Variants in TAX1BP1 observed in about 807,000 individuals in gnomAD.
TAX1BP1 encodes the protein Tax1 binding protein 1.
A neutral mutation model predicts 97.7 loss-of-function variants in TAX1BP1; 62 were observed. The observed-to-expected ratio is 0.63, with a 90% CI of 0.52 to 0.78. TAX1BP1 has a LOEUF of 0.78. Among genes scored for constraint, TAX1BP1 ranks in the 30% least tolerant of loss-of-function variants. The pLI, the probability that TAX1BP1 is intolerant of heterozygous loss-of-function variation, is 0.00. For synonymous variants in TAX1BP1, 340 were observed against 304.2 expected (o/e 1.12, Z -1.23); for missense variants, 867 against 916.1 (o/e 0.95, Z 0.69).
chr7:27,746,151 G>A (rs1787806869), intron 1 of TAX1BP1, among the ~76,000 whole-genome samples: 1 of 152,026 alleles, frequency 6.6e-6, no homozygotes, highest in Non-Finnish European at 1.5e-5. Context: ...TAAGAAAAAA[G>A]TATTATCCTT....
intron 4 of TAX1BP1, among the ~76,000 whole-genome samples, chr7:27,769,184 A>G (rs1788751116): frequency 6.6e-6 from 1 of 151,780 alleles, no homozygotes; most frequent in Non-Finnish European, 1.5e-5. Context: ...GAAACTATAC[A>G]TTTCTTGGTG....
intron 1 of TAX1BP1, among the ~76,000 whole-genome samples, chr7:27,740,736 G>A (rs1303173420): frequency 6.6e-6 from 1 of 152,230 alleles, no homozygotes; most frequent in Admixed American, 6.5e-5. Context: ...AGGACGCTGG[G>A]GTTTGCCTTT....
intron 3 of TAX1BP1, among the ~76,000 whole-genome samples, chr7:27,763,536 G>A (rs1788508384): frequency 6.6e-6 from 1 of 152,172 alleles, no homozygotes. Context: ...GGAGGCCGGG[G>A]CGGGTGGATT....
At chr7:27,800,217 A>T (rs532867274) in intron 13 of TAX1BP1, 127 bp downstream of exon 13, 1 of 897,620 alleles carries the variant, frequency 1.1e-6, no homozygotes, top group East Asian at 3.1e-5. Context: ...ACAAATAAAA[A>T]TGTACTATAT....
rs771035581 is a variant in TAX1BP1, at chr7:27,785,219, G to A, written c.669G>A (p.Arg223=). The change falls in exon 6 of 17, where the codon AGG becomes AGA. Residue 223 remains arginine, a synonymous_variant. Transcript: ENST00000396319. ...TGGAAAATGAAGAGTTTAAGAAGAGGTTCAGTGATGCTACATCCAAAGCCC... is the reference window on the plus strand; with the variant it reads ...TGGAAAATGAAGAGTTTAAGAAGAGATTCAGTGATGCTACATCCAAAGCCC... ...LKMENEEFKK[R]FSDATSKAHQ... 38 of 1,613,138 alleles carry A rather than the reference G, an allele frequency of 2.4e-5. No homozygotes were observed. Among genetic ancestry groups the A allele is most frequent in the Non-Finnish European group, 3.1e-5 (37 of 1,179,566 alleles).
At chr7:27,783,388 T>G (rs1789339351) in intron 5 of TAX1BP1, among the ~76,000 whole-genome samples, 1 of 152,224 alleles carries the variant, frequency 6.6e-6, no homozygotes, top group Non-Finnish European at 1.5e-5. Flanking sequence ...TGCTTATGCT[T>G]AACTCAGACG....
intron 13 of TAX1BP1, among the ~76,000 whole-genome samples, chr7:27,805,731 G>T (rs1790312319): frequency 6.6e-6 from 1 of 152,130 alleles, no homozygotes; most frequent in Non-Finnish European, 1.5e-5. Context: ...AGCTACTTGG[G>T]AGGCTGAGGT....
intron 5 of TAX1BP1, among the ~76,000 whole-genome samples, 166 bp downstream of exon 5, chr7:27,770,000 C>CA (rs1038209958): frequency 3.3e-5 from 5 of 151,986 alleles, no homozygotes; most frequent in African/African-American, 1.2e-4. Flanking sequence ...AACCTTCTGC[C>CA]ACAGCTGCTT....
intron 15 of TAX1BP1, among the ~76,000 whole-genome samples, chr7:27,824,366 C>T (rs1791090856): frequency 6.6e-6 from 1 of 151,508 alleles, no homozygotes; most frequent in Non-Finnish European, 1.5e-5. Context: ...AGTTTGAGAC[C>T]AGCCTGGGTA....
At chr7:27,742,661 T>C (rs1471101152) in intron 1 of TAX1BP1, among the ~76,000 whole-genome samples, 4 of 152,066 alleles carry the variant, frequency 2.6e-5, no homozygotes, top group Non-Finnish European at 5.9e-5. Context: ...AGAGACGAGG[T>C]TTCTCCATGT....
At position 27,816,466 on chromosome 7, in the gene TAX1BP1, A is replaced by T; in HGVS notation, c.1882A>T (p.Asn628Tyr). 6.4e-7 allele frequency: 1 copy of T among 1,564,988 alleles called. No individual in the cohort carries two copies. Residue 628 changes from asparagine (N) to tyrosine (Y), a missense_variant, in exon 14 of 17, where the codon AAT (asparagine) becomes TAT (tyrosine). Asn to Tyr is a moderately radical substitution (Grantham distance 143). Around this residue, in one of 3 missense-constraint regions of TAX1BP1, gnomAD observed 822 missense variants for 851.4 expected, o/e 0.97. Transcript: ENST00000396319. ...EQNGYVLTLS[N>Y]AQPVLQYGNP... The stretch of plus-strand genomic sequence containing the variant: ...AAATGGTTATGTTCTCACATTGTCA[A>T]ATGCACAACCAGTTCTGCAATATGG...
intron 13 of TAX1BP1, among the ~76,000 whole-genome samples, chr7:27,803,887 C>CT (rs1297989289): frequency 2.0e-5 from 3 of 152,130 alleles, no homozygotes; most frequent in Admixed American, 6.6e-5. Context: ...GAGCTAGTCT[C>CT]TTTTTTCATG....
intron 3 of TAX1BP1, among the ~76,000 whole-genome samples, 173 bp from the exon 4 acceptor site, chr7:27,765,661 T>C (rs577278989): frequency 6.6e-6 from 1 of 152,222 alleles, no homozygotes; most frequent in Non-Finnish European, 1.5e-5. Flanking sequence ...AAATTTAACT[T>C]TGAGTAGGAA....
intron 15 of TAX1BP1, among the ~76,000 whole-genome samples, chr7:27,827,365 A>T (rs1791216639): frequency 6.6e-6 from 1 of 151,970 alleles, no homozygotes. Flanking sequence ...AAAAAAAAAA[A>T]AGCAAAAAAC....
At chr7:27,779,459 C>T (rs1258212941) in intron 5 of TAX1BP1, among the ~76,000 whole-genome samples, 1 of 152,176 alleles carries the variant, frequency 6.6e-6, no homozygotes, top group African/African-American at 2.4e-5. Context: ...TGTAATTTCC[C>T]TATTTTTGGC....
intron 5 of TAX1BP1, among the ~76,000 whole-genome samples, chr7:27,784,950 C>T (rs1272314222): frequency 6.6e-6 from 1 of 151,780 alleles, no homozygotes; most frequent in Non-Finnish European, 1.5e-5. Context: ...AAAGTGAGAC[C>T]CCAAACAAAA....
At chr7:27,789,238 G>C (rs1235019863) in intron 8 of TAX1BP1, among the ~76,000 whole-genome samples, 2 of 151,836 alleles carry the variant, frequency 1.3e-5, no homozygotes, top group African/African-American at 2.4e-5. Context: ...GCATACCTAT[G>C]TTATAAATTT....
At chr7:27,745,044 C>T (rs1481985252) in intron 1 of TAX1BP1, among the ~76,000 whole-genome samples, 1 of 152,078 alleles carries the variant, frequency 6.6e-6, no homozygotes, top group Non-Finnish European at 1.5e-5. Flanking sequence ...TGTGTCTGGC[C>T]CCTTAATTGT....
At chr7:27,786,449 C>T (rs769713273) in intron 7 of TAX1BP1, among the ~76,000 whole-genome samples, 6 of 152,050 alleles carry the variant, frequency 3.9e-5, no homozygotes, top group African/African-American at 4.8e-5. Flanking sequence ...TTTTAAGCAA[C>T]CCTGAAATAT....
Sources: allele counts gnomAD v4.1 joint callset (sites outside exome capture counted in the v4.1 genomes callset), GRCh38; gene constraint gnomAD v4.1.1; regional missense constraint gnomAD v4.1.1; transcripts MANE v1.5; gene names NCBI Gene and HGNC (gene_info 2026-07-23, HGNC 2026-07-21).